TEX22: variants seen among roughly 807,000 people sequenced by gnomAD.
TEX22 encodes the protein testis expressed 22, also known as testis-expressed protein 22.
In TEX22, 16 loss-of-function variants were observed where a neutral mutation model predicts 11.3. The ratio of observed to expected loss-of-function variants is 1.42; its 90% CI spans 0.96 to 2.15. The LOEUF is 2.15. Among genes scored for constraint, TEX22 ranks in the 30% most tolerant of loss-of-function variants. The pLI is 0.00. For synonymous variants in TEX22, 97 were observed against 92.3 expected (o/e 1.05, Z -0.29); for missense variants, 220 against 208.6 (o/e 1.05, Z -0.34).
At chr14:105,399,552 G>A in intron 2 of TEX22, 62 bp downstream of exon 2, 1 of 1,464,440 alleles carries the variant, frequency 6.8e-7, no homozygotes, top group Non-Finnish European at 9.0e-7. Context: ...TGAGGCCGCT[G>A]TCTCTGAAAA....
intron 2 of TEX22, among the ~76,000 whole-genome samples, chr14:105,409,785 CT>C (rs60924867): frequency 8.1e-4 from 104 of 128,112 alleles, no homozygotes; most frequent in African/African-American, 1.1e-3. Context: ...TTCTCTCTCT[CT>C]TTTTTTTTTT....
chr14:105,402,757 A>G (rs934778338), intron 2 of TEX22, among the ~76,000 whole-genome samples: 68 of 144,462 alleles, frequency 4.7e-4, no homozygotes, highest in Non-Finnish European at 7.8e-4. Flanking sequence ...CTCCGTCTCA[A>G]AAAAAAAAAA....
In TEX22 at chr14:105,399,285, C is replaced by A; in HGVS notation, c.-39-17C>A. ...CCTTGTGGGCCCCGCCCCACCTCCC[C>A]CTGCTCCTACCCCCAGATCTCAGAG... is the stretch of plus-strand genomic sequence containing the variant. On this transcript the variant is annotated splice_polypyrimidine_tract_variant and intron_variant, in intron 1 of 3. Transcript: ENST00000451127. 1 of 1,444,564 alleles carries A rather than the reference C, an allele frequency of 6.9e-7. No individual in the cohort carries two copies. Among genetic ancestry groups the A allele is most frequent in the Non-Finnish European group, 9.2e-7 (1 of 1,081,418 alleles). 89.5% of individuals were successfully genotyped at this position (1,444,564 alleles called of 1,614,324 possible).
intron 2 of TEX22, among the ~76,000 whole-genome samples, chr14:105,410,086 T>G (rs1555419186): frequency 6.6e-6 from 1 of 152,172 alleles, no homozygotes; most frequent in Non-Finnish European, 1.5e-5. Context: ...CTTTTTTGTT[T>G]GTTTGTTTGA....
intron 2 of TEX22, among the ~76,000 whole-genome samples, chr14:105,407,433 C>T (rs1555418959): frequency 6.6e-6 from 1 of 151,948 alleles, no homozygotes; most frequent in Non-Finnish European, 1.5e-5. Flanking sequence ...CAGCGTGTGG[C>T]ACCATGACGG....
At chr14:105,399,148 C>A (rs1347691560) in intron 1 of TEX22, among the ~76,000 whole-genome samples, 154 bp from the exon 2 acceptor site, 3 of 152,214 alleles carry the variant, frequency 2.0e-5, no homozygotes, top group African/African-American at 7.2e-5. Context: ...GGATCCACTC[C>A]ACCCAGAGGG....
intron 2 of TEX22, among the ~76,000 whole-genome samples, chr14:105,400,115 A>G (rs1384814946): frequency 6.6e-6 from 1 of 152,202 alleles, no homozygotes; most frequent in Non-Finnish European, 1.5e-5. Flanking sequence ...TGGAAGGTTC[A>G]AAGCCAGGCT....
At chr14:105,400,723 C>T (rs979579143) in intron 2 of TEX22, among the ~76,000 whole-genome samples, 9 of 152,124 alleles carry the variant, frequency 5.9e-5, no homozygotes, top group Non-Finnish European at 5.9e-5. Flanking sequence ...GGGCTGAAGG[C>T]CTCCAAGGGC....
chr14:105,400,107 G>A (rs1555418212), intron 2 of TEX22, among the ~76,000 whole-genome samples: 3 of 152,208 alleles, frequency 2.0e-5, no homozygotes. Flanking sequence ...TCCACTTTTG[G>A]AAGGTTCAAA....
chr14:105,410,309 TC>T (rs1555419201), intron 2 of TEX22, among the ~76,000 whole-genome samples: 1 of 152,212 alleles, frequency 6.6e-6, no homozygotes, highest in African/African-American at 2.4e-5. Flanking sequence ...ACTCCTGACC[TC>T]AGGTGATCTA....
intron 2 of TEX22, among the ~76,000 whole-genome samples, chr14:105,403,463 C>T (rs2081643024): frequency 6.6e-6 from 1 of 152,198 alleles, no homozygotes; most frequent in Non-Finnish European, 1.5e-5. Context: ...GTTATCCTGG[C>T]TCTCCTAGAC....
rs1566987192 is a variant in TEX22 at position 105,412,074 on chromosome 14, G to A, written c.*241G>A. 7.9e-6 allele frequency: 3 copies of A among 380,448 alleles called. No homozygotes were observed. In the South Asian group the frequency reaches 2.7e-4, roughly 35 times the overall value. The allele number at this position is 380,448 out of a possible 1,614,324, so 23.6% of individuals were successfully genotyped here. ...CACTGCCCCGGGTCAGTCTGAGAGG[G>A]CCCTGGCAAGGCCTGGGTAGCAGGA... On this transcript the variant is annotated 3_prime_UTR_variant, in exon 4 of 4. Transcript: ENST00000451127. The surrounding 1 kb of genome is among the most constrained non-coding windows in gnomAD (Gnocchi z 5.8).
chr14:105,410,796 T>G (rs587690734), intron 2 of TEX22, among the ~76,000 whole-genome samples: 1 of 152,126 alleles, frequency 6.6e-6, no homozygotes, highest in African/African-American at 2.4e-5. Flanking sequence ...ATAGAGGTCG[T>G]GCTGGGGACC....
intron 2 of TEX22, among the ~76,000 whole-genome samples, chr14:105,409,193 G>A (rs1330404934): frequency 1.3e-5 from 2 of 151,642 alleles, no homozygotes; most frequent in African/African-American, 2.4e-5. Flanking sequence ...CCTACAATCC[G>A]CCTGCCTCCT....
chr14:105,402,980 A>G (rs879985497), intron 2 of TEX22, among the ~76,000 whole-genome samples: 1 of 152,122 alleles, frequency 6.6e-6, no homozygotes, highest in Non-Finnish European at 1.5e-5. Context: ...TCTGGACCCC[A>G]AGAGAGGGTT....
chr14:105,412,157 A>G lies in TEX22; in HGVS notation c.*324A>G, dbSNP rs1334246196. On this transcript the variant is annotated 3_prime_UTR_variant, in exon 4 of 4. Transcript: ENST00000451127. The surrounding 1 kb of genome is among the most constrained non-coding windows in gnomAD (Gnocchi z 5.8). ...GGGTACCTGGGCCTGCCTGAGGTGC[A>G]CTGGTGTCCTGGGAAGCCCCAGTGG... 2 of 244,204 alleles carry G rather than the reference A, an allele frequency of 8.2e-6. No homozygotes were observed. Among genetic ancestry groups the G allele is most frequent in the African/African-American group, 4.5e-5 (2 of 44,762 alleles). The allele number at this position is 244,204 out of a possible 1,614,324, so 15.1% of individuals were successfully genotyped here. A position where few individuals can be genotyped will look rare whatever the true frequency, so the allele number is the denominator to read the frequency against.
intron 2 of TEX22, among the ~76,000 whole-genome samples, chr14:105,402,636 G>A (rs1266565286): frequency 1.3e-5 from 2 of 151,504 alleles, no homozygotes; most frequent in Non-Finnish European, 2.9e-5. Flanking sequence ...GGCGCCTGTA[G>A]TCCCAGCTAC....
chr14:105,406,011 G>A (rs1555418859), intron 2 of TEX22, among the ~76,000 whole-genome samples: 1 of 152,198 alleles, frequency 6.6e-6, no homozygotes, highest in East Asian at 1.9e-4. Context: ...AATTTATGTT[G>A]AGCATGGCAT....
chr14:105,398,989 G>A (rs1310422518), intron 1 of TEX22, among the ~76,000 whole-genome samples: 2 of 152,266 alleles, frequency 1.3e-5, no homozygotes, highest in African/African-American at 4.8e-5. Context: ...GAGGGCTGAT[G>A]CCCCTGGAAC....
Sources: gnomAD v4.1 joint callset for allele counts (sites outside exome capture counted in the v4.1 genomes callset) on GRCh38, gnomAD v4.1.1 for gene constraint, Gnocchi (gnomAD v3.1) non-coding constraint, MANE v1.5 for transcripts, NCBI Gene and HGNC (gene_info 2026-07-23, HGNC 2026-07-21) for gene names.